The following MYO7A variants were observed in gnomAD, a reference collection of about 807,000 sequenced individuals.
MYO7A encodes unconventional myosin-VIIa.
A neutral mutation model predicts 263.8 loss-of-function variants in MYO7A; 210 were observed. That is an observed-to-expected ratio of 0.80 (90% CI 0.71 to 0.89). MYO7A has a LOEUF of 0.89. Ranked by LOEUF, MYO7A falls within the 40% of genes least tolerant of loss-of-function variation. MYO7A has a pLI of 0.00. For missense variants in MYO7A, 2,820 were observed against 2,968.3 expected (o/e 0.95, Z 1.16); for synonymous variants, 1,239 against 1,197.3 (o/e 1.03, Z -0.72).
At chr11:77,158,482 A>G (rs1952701235) in intron 9 of MYO7A, 52 bp downstream of exon 9, 7 of 1,571,550 alleles carry the variant, frequency 4.5e-6, no homozygotes, top group Non-Finnish European at 5.2e-6. Context: ...AGGGCAGTGC[A>G]GTGCCTTGCT....
At chr11:77,182,309 AGGGC>A in intron 24 of MYO7A, 111 bp from the exon 25 acceptor site, 2 of 1,440,588 alleles carry the variant, frequency 1.4e-6, no homozygotes, top group Admixed American at 2.2e-5. Flanking sequence ...GCCCAGCCTG[AGGGC>A]TGACCATGCG....
Position 77,192,203 on chromosome 11 carries a change from G to T in MYO7A, c.4077G>T (p.Glu1359Asp). 6.2e-7 allele frequency: 1 copy of T among 1,614,056 alleles called. No individual in the cohort carries two copies. Among genetic ancestry groups the T allele is most frequent in the Non-Finnish European group, 8.5e-7 (1 of 1,179,912 alleles). Reference protein sequence around the residue: ...EVFTPWHSPSEDNVATNLIYQ... With the variant: ...EVFTPWHSPSDDNVATNLIYQ... The stretch of plus-strand genomic sequence containing the variant: ...TCACGCCCTGGCACAGCCCCTCCGA[G>T]GACAACGTGGCCACCAACCTCATCT... The change falls in exon 31 of 49, where the codon GAG (glutamate) becomes GAT (aspartate). Residue 1359 changes from glutamate to aspartate, a missense_variant. Coordinates refer to ENST00000409709, the MANE Select transcript of MYO7A (RefSeq NM_000260.4).
chr11:77,158,523 T>A, intron 9 of MYO7A, 93 bp downstream of exon 9: 1 of 1,417,156 alleles, frequency 7.1e-7, no homozygotes, highest in Non-Finnish European at 9.4e-7. Flanking sequence ...TCAGTTTCTG[T>A]CCTAGCACGT....
intron 2 of MYO7A, 77 bp downstream of exon 2, chr11:77,130,729 A>T (rs894359468): frequency 6.6e-6 from 10 of 1,515,946 alleles, no homozygotes; most frequent in Admixed American, 1.8e-5. Flanking sequence ...CCCGTGGGAC[A>T]CCCTCCCCAG....
At chr11:77,209,862 C>G (rs2135773209) in intron 44 of MYO7A, among the ~76,000 whole-genome samples, 1 of 152,228 alleles carries the variant, frequency 6.6e-6, no homozygotes, top group East Asian at 1.9e-4. Flanking sequence ...GGGCATAACC[C>G]CCGTCCTGGC....
intron 37 of MYO7A, 54 bp downstream of exon 37, chr11:77,202,478 C>T (rs1040388990): frequency 1.3e-5 from 20 of 1,531,698 alleles, no homozygotes; most frequent in African/African-American, 1.1e-4. Flanking sequence ...TGCAGGCTTC[C>T]GCTACTGTCT....
chr11:77,129,433 T>C (rs1209708655), intron 1 of MYO7A, among the ~76,000 whole-genome samples: 2 of 152,144 alleles, frequency 1.3e-5, no homozygotes, highest in Non-Finnish European at 2.9e-5. Context: ...GAAAAATTGA[T>C]GCGCATTCTA....
At chr11:77,200,975 T>G (rs1430614000) in intron 35 of MYO7A, among the ~76,000 whole-genome samples, 1 of 152,084 alleles carries the variant, frequency 6.6e-6, no homozygotes. Flanking sequence ...CCTGTGACAG[T>G]GCAGTGAGCA....
Position 77,211,255 on chromosome 11 carries a change from A to G in MYO7A, c.6155A>G (p.Tyr2052Cys), listed in dbSNP as rs921375625. The G allele has an allele frequency of 1.3e-6, 2 of 1,582,120 alleles. No individual in the cohort carries two copies. Among genetic ancestry groups the G allele is most frequent in the East Asian group, 2.3e-5 (1 of 43,138 alleles). The change falls in exon 45 of 49, where the codon TAC becomes TGC. Residue 2052 changes from tyrosine to cysteine, a missense_variant. By Grantham distance (194) the Tyr-to-Cys change is radical. Transcript: ENST00000409709. ...YRVKFEEDKS[Y>C]FPSIPKLLRE... is the part of the protein sequence containing the mutation. ...GTCAAGTTCGAGGAGGACAAGTCCT[A>G]CTTCCCCAGCATCCCCAAGCTGCTG...
At chr11:77,182,200 T>C in intron 24 of MYO7A, 46 bp downstream of exon 24, 2 of 1,604,288 alleles carry the variant, frequency 1.2e-6, no homozygotes, top group Non-Finnish European at 1.7e-6. Flanking sequence ...GGGCCAGGGC[T>C]GGGGCTATGG....
chr11:77,176,977 A>G (rs1555080400), intron 18 of MYO7A, among the ~76,000 whole-genome samples: 1 of 152,126 alleles, frequency 6.6e-6, no homozygotes, highest in African/African-American at 2.4e-5. Context: ...AAGTTGGCAG[A>G]CACCCTGGAT....
chr11:77,189,291 C>T lies in MYO7A; in HGVS notation c.3504-53C>T, dbSNP rs559718029. 1.2e-5 allele frequency: 19 copies of T among 1,605,612 alleles called. No homozygotes were observed. The East Asian group carries it at 1.8e-4, about 15-fold the overall frequency. ...CTGGCTGCTAGGAGGAGGTGGGGAC[C>T]GGGGCTGTTCCTGTGGGGTGATTCC... On this transcript the variant is annotated intron_variant, in intron 27 of 48. Coordinates refer to ENST00000409709, the MANE Select transcript of MYO7A (RefSeq NM_000260.4).
chr11:77,190,726 GC>G lies in MYO7A; in HGVS notation c.3783del (p.Val1262Ter). 6.3e-7 allele frequency: 1 copy of G among 1,598,294 alleles called. No individual in the cohort carries two copies. The highest frequency in any genetic ancestry group is 8.5e-7 in the Non-Finnish European group (1 of 1,172,900). On this transcript the variant is annotated frameshift_variant, in exon 30 of 49. Transcript: ENST00000409709. LOFTEE classifies it high-confidence loss of function. ...CCAAGTCCAAGAAGCCAATCATGTT[GC>G]CCGTGACATTCATGGATGGGACCAC... ...ATKSKKPIML[P>X]VTFMDGTTKT...
At position 77,202,456 on chromosome 11, in the gene MYO7A, A is replaced by G. The variant is rs112189887; in HGVS notation, c.5168+32A>G. 1.9e-4 allele frequency: 300 copies of G among 1,544,558 alleles called. 2 individuals are homozygous for G. The African/African-American group carries it at 3.7e-3, about 19-fold the overall frequency. ...CCTCCTGGGGAAGGATGGGAGCCAC[A>G]GGGCTAGGAGCTGCAGGCTTCCGCT... On this transcript the variant is annotated intron_variant, in intron 37 of 48. Transcript: ENST00000409709.
chr11:77,204,825 C>T (rs757187954), intron 39 of MYO7A, among the ~76,000 whole-genome samples: 6 of 152,220 alleles, frequency 3.9e-5, no homozygotes, highest in Non-Finnish European at 5.9e-5. Context: ...CCTCAAACTA[C>T]ACATCAGCTC....
At chr11:77,197,311 G>C (rs565508641) in intron 32 of MYO7A, among the ~76,000 whole-genome samples, 170 bp from the exon 33 acceptor site, 31 of 152,264 alleles carry the variant, frequency 2.0e-4, no homozygotes, top group Non-Finnish European at 3.4e-4. Flanking sequence ...TGACGAATGA[G>C]AAAGGTGGGG....
At chr11:77,194,809 G>A (rs1230466166) in intron 32 of MYO7A, among the ~76,000 whole-genome samples, 2 of 152,190 alleles carry the variant, frequency 1.3e-5, no homozygotes, top group Non-Finnish European at 2.9e-5. Context: ...TTCCAGAGCT[G>A]CAGCTCAGGA....
At chr11:77,128,979 A>C (rs1195181688) in intron 1 of MYO7A, among the ~76,000 whole-genome samples, 1 of 152,272 alleles carries the variant, frequency 6.6e-6, no homozygotes, top group Non-Finnish European at 1.5e-5. Context: ...ATAGAAATAC[A>C]AATACAGTCT....
At chr11:77,142,917 AG>A in intron 3 of MYO7A, 95 bp downstream of exon 3, 1 of 1,043,478 alleles carries the variant, frequency 9.6e-7, no homozygotes, top group East Asian at 2.6e-5. Context: ...AAGGAGATGG[AG>A]GCCATGCCCA....
Sources: allele counts gnomAD v4.1 joint callset (sites outside exome capture counted in the v4.1 genomes callset), GRCh38; gene constraint gnomAD v4.1.1; transcripts MANE v1.5; gene names NCBI Gene and HGNC (gene_info 2026-07-23, HGNC 2026-07-21).